Variants in FBN1 observed in about 807,000 individuals in gnomAD.
FBN1 encodes the protein fibrillin 1, also known as fibrillin-1.
FBN1 carries 29 observed loss-of-function variants against 365.1 expected under a neutral mutation model. That is an observed-to-expected ratio of 0.08 (90% CI 0.06 to 0.11). The LOEUF (loss-of-function observed/expected upper bound fraction) is 0.11. FBN1 is among the 10% of genes least tolerant of loss of function. The pLI is 1.00. For missense variants in FBN1, 2,476 were observed against 3,703.2 expected (o/e 0.67, Z 8.60); for synonymous variants, 1,210 against 1,270.5 (o/e 0.95, Z 1.01).
intron 9 of FBN1, among the ~76,000 whole-genome samples, chr15:48,525,240 C>T (rs979155334): frequency 3.9e-5 from 6 of 152,038 alleles, no homozygotes; most frequent in African/African-American, 7.2e-5. Context: ...GCACCCGCCA[C>T]GACGCCTGGC....
rs772574901 is a variant in FBN1 at position 48,508,594 on chromosome 15, G to A, written c.1825C>T (p.Arg609Cys). The change falls in exon 15 of 66, where the codon CGT (arginine) becomes TGT (cysteine). Residue 609 changes from arginine (R) to cysteine (C), a missense_variant. Physicochemically the swap from Arg to Cys is radical, Grantham distance 180. Around this residue, in one of 5 missense-constraint regions of FBN1, gnomAD observed 1,780 missense variants for 2,840.8 expected, o/e 0.63. Coordinates refer to ENST00000316623, the MANE Select transcript of FBN1 (RefSeq NM_000138.5). The stretch of plus-strand genomic sequence containing the variant: ...TTATAGCACGAACCTTTGCAATAAC[G>A]TCCATCTGATGCCAGCTGGAATCCA... ...KPGFQLASDG[R>C]YCKDINECET... The A allele has an allele frequency of 2.5e-6, 4 of 1,613,766 alleles. No individual in the cohort carries two copies. Among genetic ancestry groups the A allele is most frequent in the East Asian group, 2.2e-5 (1 of 44,858 alleles).
intron 63 of FBN1, among the ~76,000 whole-genome samples, chr15:48,417,058 G>A (rs556758964): frequency 6.6e-6 from 1 of 152,318 alleles, no homozygotes; most frequent in Admixed American, 6.5e-5. Context: ...CAGCAGCAGG[G>A]CAGAAATTCA....
intron 4 of FBN1, among the ~76,000 whole-genome samples, chr15:48,601,823 T>G (rs2044570039): frequency 6.6e-6 from 1 of 152,152 alleles, no homozygotes; most frequent in African/African-American, 2.4e-5. Context: ...TTAAATGCCT[T>G]TTCAACAACA....
intron 38 of FBN1, 149 bp downstream of exon 38, chr15:48,467,789 C>T (rs2043334435): frequency 2.7e-6 from 2 of 739,210 alleles, no homozygotes; most frequent in African/African-American, 3.6e-5. Flanking sequence ...TATTTTCTGA[C>T]TCTCGAATTG....
At chr15:48,435,750 A>ATGTGTATATATG (rs1566895616) in intron 53 of FBN1, among the ~76,000 whole-genome samples, 2 of 85,038 alleles carry the variant, frequency 2.4e-5, no homozygotes, top group Non-Finnish European at 5.4e-5. Flanking sequence ...GTGTATATAT[A>ATGTGTATATATG]TGTGTGTATA....
At chr15:48,453,718 T>C (rs773100613) in intron 44 of FBN1, among the ~76,000 whole-genome samples, 1 of 152,182 alleles carries the variant, frequency 6.6e-6, no homozygotes, top group East Asian at 1.9e-4. Flanking sequence ...TGATGGAGGA[T>C]GCTGATGATG....
intron 6 of FBN1, among the ~76,000 whole-genome samples, chr15:48,540,055 C>G (rs901061703): frequency 6.6e-6 from 1 of 152,158 alleles, no homozygotes; most frequent in African/African-American, 2.4e-5. Context: ...GGAACAAAAT[C>G]TCTTTAAAAT....
chr15:48,512,802 G>C, intron 13 of FBN1, among the ~76,000 whole-genome samples: 1 of 151,572 alleles, frequency 6.6e-6, no homozygotes. Flanking sequence ...TAATGATACA[G>C]TTCATTTTGT....
At chr15:48,471,234 T>C (rs544199327) in intron 35 of FBN1, among the ~76,000 whole-genome samples, 15 of 152,282 alleles carry the variant, frequency 9.9e-5, no homozygotes, top group African/African-American at 3.6e-4. Context: ...TTGACGGAGA[T>C]TGGAAAACCG....
chr15:48,559,410 G>A (rs900132546), intron 6 of FBN1, among the ~76,000 whole-genome samples: 13 of 152,156 alleles, frequency 8.5e-5, no homozygotes, highest in African/African-American at 2.9e-4. Context: ...CCCCCAGACT[G>A]AAACCCAAGA....
At chr15:48,504,080 T>A in intron 16 of FBN1, 141 bp from the exon 17 acceptor site, 1 of 1,036,486 alleles carries the variant, frequency 9.6e-7, no homozygotes, top group Non-Finnish European at 1.4e-6. Context: ...GGGCTCCATT[T>A]GAAGAAAAAA....
intron 13 of FBN1, among the ~76,000 whole-genome samples, chr15:48,511,773 A>G (rs1037869528): frequency 2.0e-5 from 3 of 152,218 alleles, no homozygotes; most frequent in African/African-American, 7.2e-5. Context: ...TTAAGTATTC[A>G]GGTCATCCTC....
In FBN1 at chr15:48,513,601, G is replaced by C. The variant is rs1178360874; in HGVS notation, c.1536C>G (p.Thr512=). 1.2e-6 allele frequency: 2 copies of C among 1,614,020 alleles called. No individual in the cohort carries two copies. Among genetic ancestry groups the C allele is most frequent in the South Asian group, 1.1e-5 (1 of 91,080 alleles). The change falls in exon 13 of 66, where the codon ACC becomes ACG. Residue 512 remains threonine (T), a synonymous_variant. Transcript: ENST00000316623. Reference sequence around the variant, plus strand: ...TCTGATATCCAGCTCGGCACTGACAGGTGTACGAACCCTGGTTGTTAATAC... The same window carrying C: ...TCTGATATCCAGCTCGGCACTGACACGTGTACGAACCCTGGTTGTTAATAC... ...GECINNQGSY[T]CQCRAGYQST... is the part of the protein sequence containing the mutation.
intron 6 of FBN1, among the ~76,000 whole-genome samples, chr15:48,548,790 T>C (rs2044117820): frequency 1.3e-5 from 2 of 152,186 alleles, no homozygotes; most frequent in Non-Finnish European, 2.9e-5. Flanking sequence ...TCTCCAACTG[T>C]GGAAGAAAAA....
chr15:48,505,598 G>C (rs1170080626), intron 15 of FBN1, among the ~76,000 whole-genome samples: 1 of 152,082 alleles, frequency 6.6e-6, no homozygotes, highest in African/African-American at 2.4e-5. Context: ...CCCATGTCTT[G>C]GCTCTCTGGG....
intron 2 of FBN1, among the ~76,000 whole-genome samples, chr15:48,634,445 T>C (rs568653898): frequency 6.6e-6 from 1 of 152,194 alleles, no homozygotes; most frequent in Non-Finnish European, 1.5e-5. Flanking sequence ...GAAGGGGTTG[T>C]CATCAATCTC....
chr15:48,614,342 A>T (rs1207785216), intron 2 of FBN1, among the ~76,000 whole-genome samples: 1 of 152,244 alleles, frequency 6.6e-6, no homozygotes, highest in African/African-American at 2.4e-5. Flanking sequence ...AAACAACTGT[A>T]TAGCTAAAAT....
At chr15:48,448,687 A>G (rs2043177464) in intron 46 of FBN1, 81 bp downstream of exon 46, 2 of 1,351,838 alleles carry the variant, frequency 1.5e-6, no homozygotes, top group South Asian at 2.5e-5. Context: ...TAAAAGACTT[A>G]GTATTAAATT....
At position 48,481,860 on chromosome 15, in the gene FBN1, A is replaced by G. The variant is rs2043468005; in HGVS notation, c.3839-80T>C. Reference sequence around the variant, plus strand: ...TTCCCCTCGAGACATAATAACTATGACAAATACATTAGAAAAGGTAAAATG... The same window carrying G: ...TTCCCCTCGAGACATAATAACTATGGCAAATACATTAGAAAAGGTAAAATG... On this transcript the variant is annotated intron_variant, in intron 31 of 65. Coordinates refer to ENST00000316623, the MANE Select transcript of FBN1 (RefSeq NM_000138.5). The G allele has an allele frequency of 5.1e-6, 7 of 1,373,664 alleles. No homozygotes were observed. The South Asian group carries it at 5.9e-5, about 12-fold the overall frequency. The allele number at this position is 1,373,664 out of a possible 1,614,324, so 85.1% of individuals were successfully genotyped here.
Sources: allele counts gnomAD v4.1 joint callset (sites outside exome capture counted in the v4.1 genomes callset), GRCh38; gene constraint gnomAD v4.1.1; regional missense constraint gnomAD v4.1.1; transcripts MANE v1.5; gene names NCBI Gene and HGNC (gene_info 2026-07-23, HGNC 2026-07-21).